The following STXBP4 variants were observed in gnomAD, a reference collection of about 807,000 sequenced individuals.
STXBP4 encodes syntaxin-binding protein 4.
STXBP4 carries 55 observed loss-of-function variants against 76.1 expected under a neutral mutation model. The ratio of observed to expected loss-of-function variants is 0.72; its 90% CI spans 0.58 to 0.91. The LOEUF (loss-of-function observed/expected upper bound fraction) is 0.91, where lower values mean the gene tolerates loss of function less well. STXBP4 is among the 40% of genes least tolerant of loss of function. The pLI, the probability that STXBP4 is intolerant of heterozygous loss-of-function variation, is 0.00. For missense variants in STXBP4, 618 were observed against 636.9 expected, an observed-to-expected ratio of 0.97 and a Z score of 0.32; for synonymous variants, 201 against 220.2, an observed-to-expected ratio of 0.91 and a Z score of 0.77.
At chr17:55,067,947 G>C (rs1046320759) in intron 12 of STXBP4, among the ~76,000 whole-genome samples, 5 of 152,042 alleles carry the variant, frequency 3.3e-5, no homozygotes, top group Non-Finnish European at 2.9e-5. Context: ...TATGTCAGAG[G>C]TCTGTTAAAA....
intron 16 of STXBP4, among the ~76,000 whole-genome samples, chr17:55,089,893 A>G (rs1286365606): frequency 6.6e-6 from 1 of 152,168 alleles, no homozygotes. Context: ...CCTCATGGAA[A>G]TGATAACTAG....
At chr17:55,117,929 A>AC (rs1223599360) in intron 16 of STXBP4, among the ~76,000 whole-genome samples, 1 of 151,952 alleles carries the variant, frequency 6.6e-6, no homozygotes, top group African/African-American at 2.4e-5. Context: ...TCTTCCTGGA[A>AC]CATATGCTTT....
At chr17:55,197,670 G>C in the STXBP4 span, among the ~76,000 whole-genome samples, 39 of 152,044 alleles carry the variant, frequency 2.6e-4, no homozygotes, top group Non-Finnish European at 5.6e-4. Context: ...GTGAACTGGG[G>C]AGGCGGAGGT....
In STXBP4 at chr17:55,034,179, G is replaced by T; in HGVS notation, c.775G>T (p.Val259Phe). The stretch of plus-strand genomic sequence containing the variant: ...GTGTTCCATTTTAGATTTTGTCCAG[G>T]TTGCCAGAAACTTGTTTTGCTTGCA... ...GTVSFGDFVQ[V>F]ARNLFCLQLD... Residue 259 changes from valine (V) to phenylalanine (F), a missense_variant, in exon 10 of 18, where the codon GTT (valine) becomes TTT (phenylalanine). Coordinates refer to ENST00000376352, the MANE Select transcript of STXBP4 (RefSeq NM_178509.6). The T allele has an allele frequency of 6.2e-7, 1 of 1,612,082 alleles. No homozygotes were observed. The highest frequency in any genetic ancestry group is 8.5e-7 in the Non-Finnish European group (1 of 1,178,796).
At chr17:55,015,723 A>T (rs976134067) in intron 8 of STXBP4, among the ~76,000 whole-genome samples, 3 of 134,396 alleles carry the variant, frequency 2.2e-5, no homozygotes, top group Non-Finnish European at 4.9e-5. Flanking sequence ...TTTGGGTTGA[A>T]AGGGGGTCCT....
At chr17:55,031,383 C>A (rs2078507344) in intron 9 of STXBP4, 119 bp downstream of exon 9, 4 of 818,540 alleles carry the variant, frequency 4.9e-6, no homozygotes, top group Non-Finnish European at 7.7e-6. Context: ...AAAACTACAT[C>A]CATTTCAAGG....
At chr17:55,040,366 A>T (rs192080373) in intron 10 of STXBP4, among the ~76,000 whole-genome samples, 14 of 152,276 alleles carry the variant, frequency 9.2e-5, no homozygotes, top group African/African-American at 2.4e-4. Context: ...AGATACCCAG[A>T]AATTTTTAGG....
At chr17:55,013,429 C>G (rs2078147429) in intron 8 of STXBP4, among the ~76,000 whole-genome samples, 2 of 152,188 alleles carry the variant, frequency 1.3e-5, no homozygotes, top group South Asian at 2.1e-4. Context: ...GCTATTTTGC[C>G]ATACCTGGGA....
intron 16 of STXBP4, among the ~76,000 whole-genome samples, chr17:55,090,082 A>G (rs939121917): frequency 1.4e-4 from 21 of 152,260 alleles, no homozygotes; most frequent in African/African-American, 5.1e-4. Context: ...GAACCCTGGC[A>G]GGAGGACACT....
intron 12 of STXBP4, among the ~76,000 whole-genome samples, chr17:55,068,351 A>G (rs1259612509): frequency 1.3e-5 from 2 of 152,146 alleles, no homozygotes; most frequent in African/African-American, 4.8e-5. Flanking sequence ...TGAAAGATTT[A>G]CTGATGAACT....
intron 16 of STXBP4, among the ~76,000 whole-genome samples, chr17:55,092,870 A>G (rs1452361745): frequency 2.0e-5 from 3 of 152,096 alleles, no homozygotes; most frequent in African/African-American, 4.8e-5. Context: ...TTCTCATTCT[A>G]CTTATTCTGG....
the STXBP4 span, among the ~76,000 whole-genome samples, chr17:55,193,150 A>G: frequency 1.3e-5 from 2 of 152,198 alleles, no homozygotes; most frequent in African/African-American, 4.8e-5. Context: ...TTTGAGGAAG[A>G]CTTTCCAGTC....
intron 16 of STXBP4, among the ~76,000 whole-genome samples, chr17:55,087,544 C>G (rs1016164153): frequency 2.0e-5 from 3 of 152,160 alleles, no homozygotes; most frequent in Non-Finnish European, 4.4e-5. Context: ...TGTCAAAAAT[C>G]AGTTGGCTGT....
chr17:55,035,223 T>C (rs1013940406), intron 10 of STXBP4, among the ~76,000 whole-genome samples: 1 of 151,936 alleles, frequency 6.6e-6, no homozygotes, highest in Admixed American at 6.6e-5. Context: ...CAACTTTTCA[T>C]TGGTTGATTT....
chr17:54,986,913 G>A (rs912137458), intron 3 of STXBP4, among the ~76,000 whole-genome samples: 2 of 152,212 alleles, frequency 1.3e-5, no homozygotes, highest in Admixed American at 1.3e-4. Context: ...GCCTCAGCTA[G>A]GAAGGTTGAA....
intron 12 of STXBP4, among the ~76,000 whole-genome samples, chr17:55,067,214 T>G (rs898307424): frequency 2.6e-5 from 4 of 152,174 alleles, no homozygotes; most frequent in African/African-American, 9.7e-5. Flanking sequence ...CCTTTGATTT[T>G]AGAAAGTTGG....
chr17:55,152,218 C>T (rs1368789568), intron 17 of STXBP4, among the ~76,000 whole-genome samples: 1 of 152,058 alleles, frequency 6.6e-6, no homozygotes, highest in Non-Finnish European at 1.5e-5. Flanking sequence ...TATGGACCCC[C>T]CTTTCTGTGA....
intron 1 of STXBP4, among the ~76,000 whole-genome samples, chr17:54,981,708 C>G (rs547171095): frequency 6.6e-6 from 1 of 151,990 alleles, no homozygotes; most frequent in South Asian, 2.1e-4. Flanking sequence ...CATAAGTTAG[C>G]CACAAACTTT....
chr17:55,203,495 T>A, the STXBP4 span, among the ~76,000 whole-genome samples: 1 of 152,142 alleles, frequency 6.6e-6, no homozygotes, highest in Non-Finnish European at 1.5e-5. Context: ...GTTTGAAAAT[T>A]GTTTCTCAAA....
Sources: gnomAD v4.1 joint callset for allele counts (sites outside exome capture counted in the v4.1 genomes callset) on GRCh38, gnomAD v4.1.1 for gene constraint, MANE v1.5 for transcripts, NCBI Gene and HGNC (gene_info 2026-07-23, HGNC 2026-07-21) for gene names.